Variants in FHIT observed in about 807,000 individuals in gnomAD.
The protein encoded by FHIT is bis(5'-adenosyl)-triphosphatase.
In FHIT, 19 loss-of-function variants were observed where a neutral mutation model predicts 17.9. That is an observed-to-expected ratio of 1.06 (90% confidence interval 0.74 to 1.56). The LOEUF (loss-of-function observed/expected upper bound fraction) is 1.56. FHIT is among the 40% of genes most tolerant of loss of function. The pLI, the probability that FHIT is intolerant of heterozygous loss-of-function variation, is 0.00. For missense variants in FHIT, 248 were observed against 189.2 expected, an observed-to-expected ratio of 1.31 and a Z score of -1.82; for synonymous variants, 81 against 69.7, an observed-to-expected ratio of 1.16 and a Z score of -0.81.
chr3:60,519,357 A>G (rs559658323), intron 5 of FHIT, among the ~76,000 whole-genome samples: 2 of 152,324 alleles, frequency 1.3e-5, no homozygotes, highest in South Asian at 4.1e-4. Context: ...AGACTGCATT[A>G]AAAACACCAA....
intron 5 of FHIT, among the ~76,000 whole-genome samples, chr3:60,229,901 G>A (rs1704409586): frequency 6.6e-6 from 1 of 152,152 alleles, no homozygotes; most frequent in Admixed American, 6.5e-5. Context: ...AGGACAGCTT[G>A]AGCCCAAGAC....
intron 8 of FHIT, among the ~76,000 whole-genome samples, chr3:59,869,517 T>C (rs934605539): frequency 1.9e-4 from 19 of 102,114 alleles, no homozygotes; most frequent in Non-Finnish European, 7.9e-5. Context: ...AGTCTCGCTC[T>C]GTCGCCCAGG....
At chr3:60,606,943 C>T (rs2038627789) in intron 4 of FHIT, among the ~76,000 whole-genome samples, 1 of 152,102 alleles carries the variant, frequency 6.6e-6, no homozygotes, top group Admixed American at 6.5e-5. Context: ...TACCTGCTTC[C>T]ACTGGAACTC....
chr3:60,142,882 T>A (rs1455725835), intron 5 of FHIT, among the ~76,000 whole-genome samples: 1 of 151,772 alleles, frequency 6.6e-6, no homozygotes, highest in African/African-American at 2.4e-5. Flanking sequence ...AAGAACAGAT[T>A]AAGAATTAAC....
chr3:60,522,962 C>T (rs1303950879), intron 5 of FHIT, among the ~76,000 whole-genome samples: 1 of 152,040 alleles, frequency 6.6e-6, no homozygotes, highest in Non-Finnish European at 1.5e-5. Flanking sequence ...GCTGGGGAGG[C>T]CTCACAATCA....
At chr3:60,637,421 T>C (rs1416735671) in intron 4 of FHIT, among the ~76,000 whole-genome samples, 1 of 152,160 alleles carries the variant, frequency 6.6e-6, no homozygotes, top group Non-Finnish European at 1.5e-5. Flanking sequence ...GTACCTCACA[T>C]ATAGGAAGGG....
chr3:60,095,954 G>T (rs4679630), intron 5 of FHIT, among the ~76,000 whole-genome samples: 13,582 of 152,044 alleles, frequency 0.089, 1,450 homozygotes, highest in East Asian at 0.5. Context: ...CACCTCCCCA[G>T]GTGGCTGGCT....
intron 3 of FHIT, chr3:60,856,672 A>C (rs1361418840): frequency 6.6e-6 from 1 of 152,154 alleles, no homozygotes; most frequent in East Asian, 1.9e-4. Flanking sequence ...TCAGTGGCTC[A>C]CTACTGCTTC....
chr3:60,871,700 C>T (rs1313443329), intron 3 of FHIT, among the ~76,000 whole-genome samples: 2 of 152,106 alleles, frequency 1.3e-5, no homozygotes, highest in African/African-American at 4.8e-5. Context: ...ATGGCACAAT[C>T]ATGGCTCAAT....
At chr3:60,548,296 A>C (rs1483108299) in intron 4 of FHIT, among the ~76,000 whole-genome samples, 1 of 152,202 alleles carries the variant, frequency 6.6e-6, no homozygotes, top group Admixed American at 6.5e-5. Context: ...CACTAAAGCC[A>C]CATAGCAGTA....
At chr3:59,936,069 A>T (rs188165607) in intron 7 of FHIT, among the ~76,000 whole-genome samples, 8 of 152,258 alleles carry the variant, frequency 5.3e-5, no homozygotes, top group Admixed American at 5.2e-4. Context: ...GTGTCTGGAG[A>T]AATAGCTTAT....
chr3:60,236,992 G>T (rs1233958174), intron 5 of FHIT, among the ~76,000 whole-genome samples: 1 of 152,014 alleles, frequency 6.6e-6, no homozygotes, highest in African/African-American at 2.4e-5. Context: ...CCCAGATAAG[G>T]AACATACCTC....
chr3:60,838,239 G>C (rs1318157154), intron 3 of FHIT, among the ~76,000 whole-genome samples: 1 of 152,168 alleles, frequency 6.6e-6, no homozygotes, highest in Admixed American at 6.5e-5. Context: ...TTGGGAAGCC[G>C]AGGCAGGCGG....
chr3:59,907,605 GTGTGTGCATGTGTGCAC>G (rs1332279701), intron 8 of FHIT, among the ~76,000 whole-genome samples: 1 of 152,200 alleles, frequency 6.6e-6, no homozygotes, highest in Non-Finnish European at 1.5e-5. Flanking sequence ...GTGCATGCAT[GTGTGTGCATGTGTGCAC>G]TGGGGCAGGG....
At chr3:60,133,020 G>C (rs1186492460) in intron 5 of FHIT, among the ~76,000 whole-genome samples, 1 of 152,100 alleles carries the variant, frequency 6.6e-6, no homozygotes. Flanking sequence ...AAATATAGCA[G>C]TGACTGTACA....
chr3:61,147,999 A>G (rs1391003288), intron 2 of FHIT, among the ~76,000 whole-genome samples: 1 of 151,820 alleles, frequency 6.6e-6, no homozygotes, highest in Non-Finnish European at 1.5e-5. Context: ...CTAGGATTCA[A>G]AAGTCCAGTT....
intron 5 of FHIT, among the ~76,000 whole-genome samples, chr3:60,386,411 C>T (rs2687170): frequency 0.29 from 43,873 of 152,036 alleles, 6,473 homozygotes; most frequent in East Asian, 0.47. Context: ...CAATGACTAT[C>T]GAAGTGCAGC....
At chr3:60,612,553 GTATATC>G (rs1365098045) in intron 4 of FHIT, among the ~76,000 whole-genome samples, 8 of 152,174 alleles carry the variant, frequency 5.3e-5, no homozygotes, top group African/African-American at 1.9e-4. Flanking sequence ...AGGGGAAAAG[GTATATC>G]TATTGCTTAA....
At chr3:59,843,850 C>G (rs1178902538) in intron 8 of FHIT, among the ~76,000 whole-genome samples, 4 of 152,004 alleles carry the variant, frequency 2.6e-5, no homozygotes, top group Non-Finnish European at 5.9e-5. Flanking sequence ...ATGTTGTCCC[C>G]TTCAAATCTG....
Sources: gnomAD v4.1 joint callset for allele counts (sites outside exome capture counted in the v4.1 genomes callset) on GRCh38, gnomAD v4.1.1 for gene constraint, MANE v1.5 for transcripts, NCBI Gene and HGNC (gene_info 2026-07-23, HGNC 2026-07-21) for gene names.